ITGA2B: variants seen among roughly 807,000 people sequenced by gnomAD.
ITGA2B encodes integrin subunit alpha 2b, also known as integrin alpha-IIb.
A neutral mutation model predicts 142.0 loss-of-function variants in ITGA2B; 91 were observed. The observed-to-expected ratio is 0.64, with a 90% CI of 0.54 to 0.76. The LOEUF (loss-of-function observed/expected upper bound fraction) is 0.76, where lower values mean the gene tolerates loss of function less well. Among genes scored for constraint, ITGA2B ranks in the 30% least tolerant of loss-of-function variants. The pLI is 0.00. For synonymous variants in ITGA2B, 536 were observed against 567.2 expected (o/e 0.94, Z 0.78); for missense variants, 1,231 against 1,350.8 (o/e 0.91, Z 1.39).
Position 44,374,456 on chromosome 17 carries a change from C to A in ITGA2B, c.2958G>T (p.Leu986=). ...PRGEAQVWTQ[L]LRALEERAIP... is the part of the protein sequence containing the mutation. ...TGGCCCTCTCCTCCAAGGCCCGGAG[C>A]AGCTGTGTCCACACCTGGGGGCAAA... Residue 986 remains leucine (L), a synonymous_variant, in exon 29 of 30, where the codon CTG becomes CTT. Transcript: ENST00000262407. 1 of 1,614,136 alleles carries A rather than the reference C, an allele frequency of 6.2e-7. No homozygotes were observed. The highest frequency in any genetic ancestry group is 1.7e-5 in the Admixed American group (1 of 60,022).
At chr17:44,384,032 G>T in intron 10 of ITGA2B, 53 bp downstream of exon 10, 2 of 1,613,702 alleles carry the variant, frequency 1.2e-6, no homozygotes, top group South Asian at 2.2e-5. Flanking sequence ...GAAATATTCT[G>T]AAGTCTCAGT....
chr17:44,380,003 C>T lies in ITGA2B; in HGVS notation c.1751G>A (p.Arg584Gln), dbSNP rs775280054. 4.0e-5 allele frequency: 65 copies of T among 1,613,240 alleles called. No homozygotes were observed. Among genetic ancestry groups the T allele is most frequent in the Non-Finnish European group, 5.3e-5 (62 of 1,180,036 alleles). Residue 584 changes from arginine to glutamine, a missense_variant and splice_region_variant, in exon 17 of 30, where the codon CGA (arginine) becomes CAA (glutamine). Transcript: ENST00000262407. Reference sequence around the variant, plus strand: ...TGCCAATCCCCTGCCTGGGCGTACTCGAAGGAAGGCCATGGTGGTGTGGCA... The same window carrying T: ...TGCCAATCCCCTGCCTGGGCGTACTTGAAGGAAGGCCATGGTGGTGTGGCA... The part of the protein sequence containing the change: ...PICHTTMAFL[R>Q]DEADFRDKLS...
At chr17:44,387,826 C>CAAAAAAAAAAAAA (rs980395817) in intron 1 of ITGA2B, among the ~76,000 whole-genome samples, 2 of 24,578 alleles carry the variant, frequency 8.1e-5, no homozygotes, top group African/African-American at 1.3e-4. Flanking sequence ...AACCCCATCT[C>CAAAAAAAAAAAAA]AAAAAAAAAA....
intron 4 of ITGA2B, 108 bp from the exon 5 acceptor site, chr17:44,385,443 G>C: frequency 6.6e-7 from 1 of 1,526,064 alleles, no homozygotes; most frequent in Non-Finnish European, 8.8e-7. Flanking sequence ...CGGGGCCCTG[G>C]GGCGAGGCCA....
In ITGA2B at chr17:44,374,486, C is replaced by T. The variant is rs767400717; in HGVS notation, c.2944-16G>A. 1.2e-5 allele frequency: 19 copies of T among 1,604,438 alleles called. No individual in the cohort carries two copies. The highest frequency in any genetic ancestry group is 2.2e-5 in the East Asian group (1 of 44,832). On this transcript the variant is annotated splice_polypyrimidine_tract_variant and intron_variant, in intron 28 of 29. Transcript: ENST00000262407. ...GTGTCCACACCTGGGGGCAAACCCACGTGTCTCCTCAGTCACCTTGACACC... is the reference window on the plus strand; with the variant it reads ...GTGTCCACACCTGGGGGCAAACCCATGTGTCTCCTCAGTCACCTTGACACC...
chr17:44,381,397 T>C (rs1751903048), intron 12 of ITGA2B, among the ~76,000 whole-genome samples: 1 of 151,610 alleles, frequency 6.6e-6, no homozygotes, highest in South Asian at 2.1e-4. Flanking sequence ...TGGTGCGATC[T>C]CGGCTCACTG....
Position 44,377,682 on chromosome 17 carries a change from G to A in ITGA2B, c.2187+16C>T, listed in dbSNP as rs780971621. The A allele has an allele frequency of 8.7e-6, 14 of 1,604,262 alleles. No homozygotes were observed. Among genetic ancestry groups the A allele is most frequent in the African/African-American group, 2.7e-5 (2 of 74,694 alleles). On this transcript the variant is annotated intron_variant, in intron 21 of 29. Coordinates refer to ENST00000262407, the MANE Select transcript of ITGA2B (RefSeq NM_000419.5). ...GCCCCTGGTGGAGACCCGGTACCAC[G>A]ACCCAGCAGCCTCACCTGGGCGTTC...
At chr17:44,386,904 C>T (rs1168813124) in intron 1 of ITGA2B, among the ~76,000 whole-genome samples, 2 of 152,206 alleles carry the variant, frequency 1.3e-5, no homozygotes, top group African/African-American at 4.8e-5. Flanking sequence ...CAATCCTCTC[C>T]CCTCAGCCAC....
In ITGA2B at chr17:44,376,335, C is replaced by T. The variant is rs146892478; in HGVS notation, c.2321G>A (p.Arg774Gln). The T allele has an allele frequency of 1.7e-4, 281 of 1,614,004 alleles. No individual in the cohort carries two copies. The highest frequency in any genetic ancestry group is 2.3e-4 in the Non-Finnish European group (268 of 1,180,028). Residue 774 changes from arginine (R) to glutamine (Q), a missense_variant, in exon 23 of 30, where the codon CGG becomes CAG. Around this residue, in one of 3 missense-constraint regions of ITGA2B, gnomAD observed 908 missense variants for 1,021.1 expected, o/e 0.89. Coordinates refer to ENST00000262407, the MANE Select transcript of ITGA2B (RefSeq NM_000419.5). The part of the protein sequence containing the change: ...SKIVLLDVPV[R>Q]AEAQVELRGN... Reference sequence around the variant, plus strand: ...TCGCAGCTCCACTTGGGCCTCTGCCCGGACCGGCACGTCCAGCAGCACAAT... The same window carrying T: ...TCGCAGCTCCACTTGGGCCTCTGCCTGGACCGGCACGTCCAGCAGCACAAT...
intron 23 of ITGA2B, 21 bp from the exon 24 acceptor site, chr17:44,376,205 C>G: frequency 6.2e-7 from 1 of 1,614,124 alleles, no homozygotes; most frequent in Non-Finnish European, 8.5e-7. Context: ...CCAAGACCCC[C>G]AGAGAGAGTG....
chr17:44,372,299 G>T lies in ITGA2B; in HGVS notation c.*65C>A. On this transcript the variant is annotated 3_prime_UTR_variant, in exon 30 of 30. Coordinates refer to ENST00000262407, the MANE Select transcript of ITGA2B (RefSeq NM_000419.5). ...CCAACCCAAAGCTTGGAGGCAACTT[G>T]TTGGAGAAGGGGCGGTGCAGGTAGC... 6.4e-7 allele frequency: 1 copy of T among 1,553,762 alleles called. No homozygotes were observed. The highest frequency in any genetic ancestry group is 1.1e-5 in the South Asian group (1 of 89,742).
In ITGA2B at chr17:44,389,550, CTT is replaced by C; in HGVS notation, c.-79_-78del. ...CCCTTCAGATTCCTCCACAGGAAGT[CTT>C]TTCTTATCAAACTGGAACCCCAAGT... is the stretch of plus-strand genomic sequence containing the variant. On this transcript the variant is annotated 5_prime_UTR_variant, in exon 1 of 30. It introduces an in-frame stop codon into an upstream open reading frame of the 5' UTR. Transcript: ENST00000262407. The C allele has an allele frequency of 6.7e-7, 1 of 1,500,268 alleles. No individual in the cohort carries two copies. The highest frequency in any genetic ancestry group is 9.1e-7 in the Non-Finnish European group (1 of 1,094,540). The allele number at this position is 1,500,268 out of a possible 1,614,324, so 92.9% of individuals were successfully genotyped here. A position where few individuals can be genotyped will look rare whatever the true frequency, so the allele number is the denominator to read the frequency against.
chr17:44,376,196 C>T lies in ITGA2B; in HGVS notation c.2349-12G>A. The T allele has an allele frequency of 1.2e-6, 2 of 1,614,152 alleles. No homozygotes were observed. Among genetic ancestry groups the T allele is most frequent in the Non-Finnish European group, 1.7e-6 (2 of 1,180,006 alleles). On this transcript the variant is annotated splice_polypyrimidine_tract_variant and intron_variant, in intron 23 of 29. Coordinates refer to ENST00000262407, the MANE Select transcript of ITGA2B (RefSeq NM_000419.5). ...CTGGAAAGGAGTTCCTGCAGGTGCC[C>T]AAGACCCCCAGAGAGAGTGTGATGC...
At chr17:44,378,544 G>C (rs767052181) in intron 19 of ITGA2B, 35 bp from the exon 20 acceptor site, 10 of 1,612,050 alleles carry the variant, frequency 6.2e-6, no homozygotes, top group Non-Finnish European at 8.5e-6. Flanking sequence ...AGGGAGCCTG[G>C]GTCTGGGCCC....
At position 44,372,305 on chromosome 17, in the gene ITGA2B, G is replaced by T; in HGVS notation, c.*59C>A. 1.3e-6 allele frequency: 2 copies of T among 1,569,212 alleles called. No individual in the cohort carries two copies. Among genetic ancestry groups the T allele is most frequent in the Non-Finnish European group, 8.8e-7 (1 of 1,139,390 alleles). On this transcript the variant is annotated 3_prime_UTR_variant, in exon 30 of 30. Coordinates refer to ENST00000262407, the MANE Select transcript of ITGA2B (RefSeq NM_000419.5). ...CAAAGCTTGGAGGCAACTTGTTGGA[G>T]AAGGGGCGGTGCAGGTAGCACGCCC...
rs771317292 is a variant in ITGA2B, at chr17:44,383,485, T to C, written c.1210+8A>G. 51 of 1,604,958 alleles carry C rather than the reference T, an allele frequency of 3.2e-5. No homozygotes were observed. In the African/African-American group the frequency reaches 6.3e-4, roughly 20 times the overall value. ...TCTGCAGCAAGTAGGGCTCCTCTCT[T>C]CCCTCACCATTGTAGCCATCCCGGT... On this transcript the variant is annotated splice_region_variant and intron_variant, in intron 12 of 29. Transcript: ENST00000262407.
chr17:44,385,235 A>G, intron 5 of ITGA2B, 26 bp from the exon 6 acceptor site: 1 of 1,613,898 alleles, frequency 6.2e-7, no homozygotes, highest in Non-Finnish European at 8.5e-7. Flanking sequence ...TGAGGGTGAG[A>G]GGGGGCCCTG....
chr17:44,374,328 G>A lies in ITGA2B; in HGVS notation c.3060+26C>T, dbSNP rs765205542. 4.4e-6 allele frequency: 7 copies of A among 1,599,750 alleles called. No homozygotes were observed. The East Asian group carries it at 1.6e-4, about 36-fold the overall frequency. ...CAGAGCCAAGCCTGTGCCCCGCTGG[G>A]GACTCCACCGTCCTTCACACCTCAC... is the stretch of plus-strand genomic sequence containing the variant. On this transcript the variant is annotated intron_variant, in intron 29 of 29. Transcript: ENST00000262407.
chr17:44,380,952 GCTGTCCAGGAC>G lies in ITGA2B; in HGVS notation c.1309_1319del (p.Val437ProfsTer20). The G allele has an allele frequency of 2.5e-6, 4 of 1,614,234 alleles. No homozygotes were observed. The highest frequency in any genetic ancestry group is 3.4e-6 in the Non-Finnish European group (4 of 1,180,032). ...CAAAGGCAGAGCCTGTGGGGAAGGG[GCTGTCCAGGAC>G]CTGGGAGGGACGTGACCTCAGCCCC... On this transcript the variant is annotated frameshift_variant, in exon 13 of 30. Coordinates refer to ENST00000262407, the MANE Select transcript of ITGA2B (RefSeq NM_000419.5). LOFTEE classifies it high-confidence loss of function.
Sources: gnomAD v4.1 joint callset for allele counts (sites outside exome capture counted in the v4.1 genomes callset) on GRCh38, gnomAD v4.1.1 for gene constraint, gnomAD v4.1.1 regional missense constraint, MANE v1.5 for transcripts, NCBI Gene and HGNC (gene_info 2026-07-23, HGNC 2026-07-21) for gene names.